Variants in PLSCR4 observed in about 807,000 individuals in gnomAD.
The protein encoded by PLSCR4 is phospholipid scramblase 4, also known as Ca(2+)-dependent phospholipid scramblase 4.
In PLSCR4, 25 loss-of-function variants were observed where a neutral mutation model predicts 36.3. That is an observed-to-expected ratio of 0.69 (90% CI 0.50 to 0.96). The LOEUF is 0.96. Among genes scored for constraint, PLSCR4 ranks in the 40% least tolerant of loss-of-function variants. PLSCR4 has a pLI of 0.00. For missense variants in PLSCR4, 408 were observed against 414.7 expected (o/e 0.98, Z 0.14); for synonymous variants, 122 against 132.9 (o/e 0.92, Z 0.56).
In PLSCR4 at chr3:146,240,415, G is replaced by A. The variant is rs558800635; in HGVS notation, c.-22+10545C>T. ...CCTTAAGGTTAGGAGTTAGAAACCC[G>A]GGTAACATCATGAGACCCCGTCTCT... On this transcript the variant is annotated intron_variant, in intron 1 of 8. Coordinates refer to ENST00000354952, the MANE Select transcript of PLSCR4 (RefSeq NM_020353.3). Among the ~76,000 whole-genome samples, 5 of 152,260 alleles carry A rather than the reference G, an allele frequency of 3.3e-5. No homozygotes were observed. The East Asian group carries it at 5.8e-4, about 18-fold the overall frequency.
At chr3:146,223,277 A>C (rs773102949) in intron 1 of PLSCR4, among the ~76,000 whole-genome samples, 5 of 152,218 alleles carry the variant, frequency 3.3e-5, no homozygotes, top group Non-Finnish European at 5.9e-5. Context: ...TTATTTGAGA[A>C]GGGAATTTCA....
chr3:146,217,555 G>C (rs1033523656), intron 3 of PLSCR4, among the ~76,000 whole-genome samples: 3 of 152,210 alleles, frequency 2.0e-5, no homozygotes, highest in Non-Finnish European at 4.4e-5. Flanking sequence ...GTACTTGCAA[G>C]GGTCTGGCTA....
chr3:146,240,601 T>A (rs75584251), intron 1 of PLSCR4, among the ~76,000 whole-genome samples: 1 of 152,292 alleles, frequency 6.6e-6, no homozygotes, highest in African/African-American at 2.4e-5. Flanking sequence ...AGATCCTGTC[T>A]CTTGAAAAAT....
At chr3:146,227,884 A>G (rs563122327) in intron 1 of PLSCR4, among the ~76,000 whole-genome samples, 4 of 152,366 alleles carry the variant, frequency 2.6e-5, no homozygotes, top group African/African-American at 9.6e-5. Flanking sequence ...TTTTGTGTTT[A>G]TTATGTAACT....
At chr3:146,198,118 C>T (rs961641887) in intron 6 of PLSCR4, among the ~76,000 whole-genome samples, 4 of 151,936 alleles carry the variant, frequency 2.6e-5, no homozygotes, top group African/African-American at 9.7e-5. Context: ...ATAACACTCT[C>T]GAAATGACAA....
At chr3:146,218,251 GA>G (rs1026014692) in intron 3 of PLSCR4, among the ~76,000 whole-genome samples, 241 of 152,122 alleles carry the variant, frequency 1.6e-3, no homozygotes, top group African/African-American at 5.7e-3. Context: ...AATTGGACTA[GA>G]AATCAGATAT....
chr3:146,195,542 G>C (rs911829711), intron 7 of PLSCR4, among the ~76,000 whole-genome samples: 1 of 152,182 alleles, frequency 6.6e-6, no homozygotes, highest in Non-Finnish European at 1.5e-5. Context: ...TTAAGAAGAG[G>C]TATGATTTGA....
intron 6 of PLSCR4, among the ~76,000 whole-genome samples, chr3:146,197,950 T>G (rs546989696): frequency 1.3e-5 from 2 of 152,076 alleles, no homozygotes; most frequent in African/African-American, 2.4e-5. Context: ...AAAATAAAAA[T>G]GTACAAAAAT....
At position 146,220,902 on chromosome 3, in the gene PLSCR4, G is replaced by C. The variant is rs2108290562; in HGVS notation, c.31C>G (p.Gln11Glu). ...TGATTTTCCATTTCACCTGCAGGCT[G>C]TTCAGGGGCTGTGGGTACCACACCT... Reference protein sequence around the residue: MSGVVPTAPEQPAGEMENQTK... With the variant: MSGVVPTAPEEPAGEMENQTK... Residue 11 changes from glutamine (Q) to glutamate (E), a missense_variant, in exon 3 of 9, where the codon CAG (glutamine) becomes GAG (glutamate). Transcript: ENST00000354952. 1 of 1,612,994 alleles carries C rather than the reference G, an allele frequency of 6.2e-7. No homozygotes were observed. The highest frequency in any genetic ancestry group is 8.5e-7 in the Non-Finnish European group (1 of 1,179,142).
At chr3:146,211,287 A>C (rs2034607376) in intron 3 of PLSCR4, among the ~76,000 whole-genome samples, 1 of 151,654 alleles carries the variant, frequency 6.6e-6, no homozygotes, top group African/African-American at 2.4e-5. Flanking sequence ...TTTTATTTGC[A>C]TTTTTCTGAT....
chr3:146,247,974 T>C (rs1272328927), intron 1 of PLSCR4, among the ~76,000 whole-genome samples: 1 of 152,230 alleles, frequency 6.6e-6, no homozygotes, highest in East Asian at 1.9e-4. Flanking sequence ...TTTTTCTTTT[T>C]AAGGACTAGC....
intron 1 of PLSCR4, among the ~76,000 whole-genome samples, chr3:146,224,230 G>A (rs2035325762): frequency 6.6e-6 from 1 of 152,046 alleles, no homozygotes; most frequent in Admixed American, 6.6e-5. Flanking sequence ...GTCCATCAAT[G>A]GTAGACTGAA....
intron 4 of PLSCR4, among the ~76,000 whole-genome samples, chr3:146,204,160 T>G (rs75664631): frequency 0.023 from 3,561 of 152,066 alleles, 172 homozygotes; most frequent in East Asian, 0.22. Flanking sequence ...ATTGGTAAAG[T>G]CACTGGTAAA....
At chr3:146,202,637 CT>C (rs2034107548) in intron 4 of PLSCR4, among the ~76,000 whole-genome samples, 1 of 152,020 alleles carries the variant, frequency 6.6e-6, no homozygotes, top group Non-Finnish European at 1.5e-5. Context: ...TATCAATTGA[CT>C]GACTCTTCTC....
chr3:146,213,705 A>C (rs1292700426), intron 3 of PLSCR4, among the ~76,000 whole-genome samples: 2 of 152,182 alleles, frequency 1.3e-5, no homozygotes, highest in Non-Finnish European at 2.9e-5. Flanking sequence ...TTTACTTGTT[A>C]TATAAGTCTG....
At chr3:146,211,487 A>T (rs1442538493) in intron 3 of PLSCR4, among the ~76,000 whole-genome samples, 1 of 152,048 alleles carries the variant, frequency 6.6e-6, no homozygotes, top group African/African-American at 2.4e-5. Flanking sequence ...GTTTTCTCTC[A>T]TTGTGTAGGT....
chr3:146,215,576 A>C (rs1300757954), intron 3 of PLSCR4, among the ~76,000 whole-genome samples: 1 of 152,154 alleles, frequency 6.6e-6, no homozygotes, highest in Non-Finnish European at 1.5e-5. Context: ...TATAGGTTAA[A>C]CTGTAGTTTC....
intron 3 of PLSCR4, among the ~76,000 whole-genome samples, chr3:146,211,945 A>G (rs1309155540): frequency 1.3e-5 from 2 of 151,900 alleles, no homozygotes; most frequent in Non-Finnish European, 2.9e-5. Context: ...TGTGGTATTG[A>G]CTTCTGTAGC....
At chr3:146,194,745 G>A (rs1395196460) in intron 8 of PLSCR4, among the ~76,000 whole-genome samples, 1 of 152,098 alleles carries the variant, frequency 6.6e-6, no homozygotes, top group Non-Finnish European at 1.5e-5. Context: ...CAGAAAGGAA[G>A]GAGGAATGGG....
Sources: allele counts gnomAD v4.1 joint callset (sites outside exome capture counted in the v4.1 genomes callset), GRCh38; gene constraint gnomAD v4.1.1; transcripts MANE v1.5; gene names NCBI Gene and HGNC (gene_info 2026-07-23, HGNC 2026-07-21).